BMP2K: variants seen among roughly 807,000 people sequenced by gnomAD.
BMP2K encodes BMP2 inducible kinase.
In BMP2K, 74 loss-of-function variants were observed where a neutral mutation model predicts 116.0. The ratio of observed to expected loss-of-function variants is 0.64; its 90% CI spans 0.53 to 0.77. The LOEUF (loss-of-function observed/expected upper bound fraction) is 0.77. Among genes scored for constraint, BMP2K ranks in the 30% least tolerant of loss-of-function variants. The pLI is 0.00. For missense variants in BMP2K, 1,365 were observed against 1,403.6 expected, an observed-to-expected ratio of 0.97 and a Z score of 0.44; for synonymous variants, 486 against 502.5, an observed-to-expected ratio of 0.97 and a Z score of 0.44.
intron 10 of BMP2K, among the ~76,000 whole-genome samples, chr4:78,866,595 A>G (rs1328822279): frequency 6.6e-6 from 1 of 152,152 alleles, no homozygotes; most frequent in East Asian, 1.9e-4. Context: ...ACTATTAACT[A>G]CTGTTGTTAC....
intron 1 of BMP2K, among the ~76,000 whole-genome samples, chr4:78,794,368 C>G (rs1283623028): frequency 1.3e-5 from 2 of 152,064 alleles, no homozygotes; most frequent in African/African-American, 4.8e-5. Flanking sequence ...ACCCGAGAAC[C>G]TCAGAATCAC....
At chr4:78,900,463 T>C (rs921766519) in intron 15 of BMP2K, among the ~76,000 whole-genome samples, 5 of 152,178 alleles carry the variant, frequency 3.3e-5, no homozygotes, top group Non-Finnish European at 5.9e-5. Flanking sequence ...TCTGGAGAGA[T>C]AAAGTCAGTA....
intron 10 of BMP2K, 40 bp from the exon 11 acceptor site, chr4:78,870,743 T>C: frequency 6.4e-7 from 1 of 1,555,936 alleles, no homozygotes; most frequent in Non-Finnish European, 8.7e-7. Flanking sequence ...TTAATTGAAA[T>C]CATTAGTATG....
intron 1 of BMP2K, among the ~76,000 whole-genome samples, chr4:78,825,028 C>A (rs1729801685): frequency 6.6e-6 from 1 of 152,092 alleles, no homozygotes; most frequent in Non-Finnish European, 1.5e-5. Flanking sequence ...CATAGTGAAG[C>A]CTCGTCTCTA....
chr4:78,847,290 A>C, intron 6 of BMP2K, 21 bp downstream of exon 6: 1 of 1,524,234 alleles, frequency 6.6e-7, no homozygotes. Context: ...GAAAGGCTGG[A>C]ACTTGCTCTA....
chr4:78,823,943 A>G (rs1488496919), intron 1 of BMP2K, among the ~76,000 whole-genome samples: 1 of 152,184 alleles, frequency 6.6e-6, no homozygotes, highest in East Asian at 1.9e-4. Flanking sequence ...AAATAAAATT[A>G]TGGTAGTTTA....
chr4:78,791,779 G>C (rs979435677), intron 1 of BMP2K, among the ~76,000 whole-genome samples: 3 of 152,104 alleles, frequency 2.0e-5, no homozygotes, highest in African/African-American at 7.2e-5. Context: ...GCCTACATCA[G>C]AATTTCATTC....
At chr4:78,886,343 T>C (rs759952058) in intron 14 of BMP2K, among the ~76,000 whole-genome samples, 23 of 152,232 alleles carry the variant, frequency 1.5e-4, no homozygotes, top group South Asian at 6.2e-4. Context: ...TAGTAACTAA[T>C]AGAATCACTC....
At chr4:78,886,701 G>A (rs1179656770) in intron 14 of BMP2K, among the ~76,000 whole-genome samples, 1 of 152,040 alleles carries the variant, frequency 6.6e-6, no homozygotes, top group African/African-American at 2.4e-5. Flanking sequence ...ATAGTACAAA[G>A]TAGTACAAAA....
chr4:78,826,550 T>C (rs1269080034), intron 2 of BMP2K, among the ~76,000 whole-genome samples: 3 of 152,142 alleles, frequency 2.0e-5, no homozygotes, highest in Non-Finnish European at 4.4e-5. Flanking sequence ...AGCTGCTTAT[T>C]TATAATAATC....
At chr4:78,850,841 T>G in intron 6 of BMP2K, 83 bp from the exon 7 acceptor site, 2 of 1,470,518 alleles carry the variant, frequency 1.4e-6, no homozygotes, top group Non-Finnish European at 1.8e-6. Context: ...ACATGACTTT[T>G]TTAAAGTAAC....
intron 15 of BMP2K, among the ~76,000 whole-genome samples, chr4:78,910,109 G>C (rs187014321): frequency 3.9e-4 from 59 of 152,250 alleles, no homozygotes; most frequent in African/African-American, 1.4e-3. Context: ...TCAAAAGATA[G>C]TGGTTTATAA....
chr4:78,911,145 G>A lies in BMP2K; in HGVS notation c.2598G>A (p.Val866=). Residue 866 remains valine, a synonymous_variant, in exon 16 of 16, where the codon GTG becomes GTA. Coordinates refer to ENST00000502613, the MANE Select transcript of BMP2K (RefSeq NM_198892.2). ...DVFGAVPFFA[V]RAQQPQQEKN... Reference sequence around the variant, plus strand: ...TTGGCGCTGTCCCCTTCTTTGCAGTGCGTGCTCAACAGCCCCAGCAAGAAA... The same window carrying A: ...TTGGCGCTGTCCCCTTCTTTGCAGTACGTGCTCAACAGCCCCAGCAAGAAA... 6.2e-7 allele frequency: 1 copy of A among 1,613,946 alleles called. No individual in the cohort carries two copies. Among genetic ancestry groups the A allele is most frequent in the Admixed American group, 1.7e-5 (1 of 60,022 alleles).
chr4:78,856,816 T>C (rs1053118940), intron 7 of BMP2K, among the ~76,000 whole-genome samples: 2 of 152,162 alleles, frequency 1.3e-5, no homozygotes, highest in African/African-American at 4.8e-5. Flanking sequence ...CTTAGACTTC[T>C]TCCACAGAGA....
rs150489065 is a variant in BMP2K at position 78,818,162 on chromosome 4, G to A, written c.179-7875G>A. Among the ~76,000 whole-genome samples the A allele has an allele frequency of 9.9e-5, 15 of 152,224 alleles. No homozygotes were observed. In the East Asian group the frequency reaches 2.5e-3, roughly 25 times the overall value. On this transcript the variant is annotated intron_variant, in intron 1 of 15. Transcript: ENST00000502613. ...TTTAAATTTAAGTTCTGGGATACAC[G>A]TGTATAACGTGCAGGTTTGTTACAT... is the stretch of plus-strand genomic sequence containing the variant.
In BMP2K at chr4:78,908,394, C is replaced by A. The variant is rs565851791; in HGVS notation, c.2063-2216C>A. Among the ~76,000 whole-genome samples the A allele has an allele frequency of 2.0e-5, 3 of 152,302 alleles. No homozygotes were observed. In the South Asian group the frequency reaches 6.2e-4, roughly 32 times the overall value. On this transcript the variant is annotated intron_variant, in intron 15 of 15. Coordinates refer to ENST00000502613, the MANE Select transcript of BMP2K (RefSeq NM_198892.2). The stretch of plus-strand genomic sequence containing the variant: ...TTCTCTCTCCATTTCTGTGACATTG[C>A]ACTCAGCTGTTTTCTTCCTCCTCTC...
At chr4:78,865,944 T>C (rs2110052102) in intron 10 of BMP2K, among the ~76,000 whole-genome samples, 1 of 152,246 alleles carries the variant, frequency 6.6e-6, no homozygotes, top group East Asian at 1.9e-4. Context: ...TACAAAAAAC[T>C]CACAATTTGC....
At chr4:78,849,311 C>T (rs1008001048) in intron 6 of BMP2K, among the ~76,000 whole-genome samples, 1 of 151,364 alleles carries the variant, frequency 6.6e-6, no homozygotes, top group Non-Finnish European at 1.5e-5. Flanking sequence ...GTACAATTCT[C>T]ATTGAGATTG....
At chr4:78,887,637 T>C (rs1733169816) in intron 15 of BMP2K, among the ~76,000 whole-genome samples, 1 of 152,192 alleles carries the variant, frequency 6.6e-6, no homozygotes, top group Non-Finnish European at 1.5e-5. Flanking sequence ...TGTAGATGCA[T>C]TTTAAAAGTA....
Sources: allele counts gnomAD v4.1 joint callset (sites outside exome capture counted in the v4.1 genomes callset), GRCh38; gene constraint gnomAD v4.1.1; transcripts MANE v1.5; gene names NCBI Gene and HGNC (gene_info 2026-07-23, HGNC 2026-07-21).